C14orf93: variants seen among roughly 807,000 people sequenced by gnomAD.
The protein encoded by C14orf93 is uncharacterized protein C14orf93.
A neutral mutation model predicts 44.0 loss-of-function variants in C14orf93; 23 were observed. That is an observed-to-expected ratio of 0.52 (90% CI 0.38 to 0.74). The LOEUF is 0.74. C14orf93 is among the 30% of genes least tolerant of loss of function. The pLI, the probability that C14orf93 is intolerant of heterozygous loss-of-function variation, is 0.00. For synonymous variants in C14orf93, 253 were observed against 265.7 expected, an observed-to-expected ratio of 0.95 and a Z score of 0.46; for missense variants, 579 against 678.9, an observed-to-expected ratio of 0.85 and a Z score of 1.64.
At position 22,998,760 on chromosome 14, in the gene C14orf93, C is replaced by T. The variant is rs1409648751; in HGVS notation, c.264G>A (p.Glu88=). 1.9e-6 allele frequency: 3 copies of T among 1,614,126 alleles called. No individual in the cohort carries two copies. The highest frequency in any genetic ancestry group is 1.3e-5 in the African/African-American group (1 of 74,942). The change falls in exon 2 of 7, where the codon GAG becomes GAA. Residue 88 remains glutamate, a synonymous_variant. Transcript: ENST00000299088. Reference sequence around the variant, plus strand: ...CTTCCTCCTGGAGACGTTTTAACAACTCATTGTTGGCCCTGGCAAGACCCA... The same window carrying T: ...CTTCCTCCTGGAGACGTTTTAACAATTCATTGTTGGCCCTGGCAAGACCCA... ...AALGLARANN[E]LLKRLQEEVG... is the part of the protein sequence containing the mutation.
chr14:23,007,900 C>G (rs952790258), intron 1 of C14orf93, among the ~76,000 whole-genome samples: 1 of 152,094 alleles, frequency 6.6e-6, no homozygotes, highest in African/African-American at 2.4e-5. Flanking sequence ...CGCCTGTAAT[C>G]CCAGCACTTT....
intron 5 of C14orf93, among the ~76,000 whole-genome samples, chr14:22,989,136 C>G (rs192457817): frequency 6.6e-6 from 1 of 152,176 alleles, no homozygotes; most frequent in Non-Finnish European, 1.5e-5. Context: ...TGCATGCCAC[C>G]CCACCCAGTT....
rs570580256 is a variant in C14orf93, at chr14:22,986,215, G to T, written c.*1000C>A. ...CTCTCAGAAGAAGCCTTTCCAGACT[G>T]CAAGAGTAGGTTAGCTACCCCTGCT... On this transcript the variant is annotated 3_prime_UTR_variant, in exon 7 of 7. Coordinates refer to ENST00000299088, the MANE Select transcript of C14orf93 (RefSeq NM_021944.4). The T allele has an allele frequency of 1.3e-5, 2 of 152,330 alleles. No individual in the cohort carries two copies. The highest frequency in any genetic ancestry group is 4.1e-4 in the South Asian group (2 of 4,828). The allele number at this position is 152,330 out of a possible 1,614,324, so 9.4% of individuals were successfully genotyped here.
intron 1 of C14orf93, chr14:23,005,474 TAAATAAAAAGA>T (rs1284983328): frequency 6.6e-6 from 1 of 152,026 alleles, no homozygotes; most frequent in Non-Finnish European, 1.5e-5. Flanking sequence ...AAAAAATAAA[TAAATAAAAAGA>T]GGAGACACCA....
chr14:23,001,213 G>T (rs2046275792), intron 1 of C14orf93, among the ~76,000 whole-genome samples: 1 of 152,166 alleles, frequency 6.6e-6, no homozygotes, highest in South Asian at 2.1e-4. Flanking sequence ...CAGGGAGTTT[G>T]CTCTTAAACA....
Position 22,998,638 on chromosome 14 carries a change from T to G in C14orf93, c.386A>C (p.Glu129Ala), listed in dbSNP as rs2046134486. ...SPPEEPGPLK[E>A]SPGEAFKALS... ...AGCCTTAAAGGCTTCCCCGGGACTT[T>G]CCTTGAGAGGCCCAGGCTCCTCAGG... The change falls in exon 2 of 7, where the codon GAA becomes GCA. Residue 129 changes from glutamate (E) to alanine (A), a missense_variant. Glu to Ala is a moderately radical substitution (Grantham distance 107). Transcript: ENST00000299088. 6.2e-7 allele frequency: 1 copy of G among 1,613,802 alleles called. No homozygotes were observed. The highest frequency in any genetic ancestry group is 8.5e-7 in the Non-Finnish European group (1 of 1,179,792).
At chr14:23,000,664 C>T (rs912814357) in intron 1 of C14orf93, among the ~76,000 whole-genome samples, 4 of 143,152 alleles carry the variant, frequency 2.8e-5, no homozygotes, top group Non-Finnish European at 4.5e-5. Context: ...TGCAGTGAGC[C>T]GAGATGGTGC....
intron 5 of C14orf93, among the ~76,000 whole-genome samples, chr14:22,988,254 C>T (rs1438134600): frequency 6.6e-6 from 1 of 152,106 alleles, no homozygotes; most frequent in Non-Finnish European, 1.5e-5. Context: ...CTGCCTCAGC[C>T]TCCCGAGTAG....
chr14:22,989,148 A>G (rs2045431656), intron 5 of C14orf93, among the ~76,000 whole-genome samples: 1 of 151,994 alleles, frequency 6.6e-6, no homozygotes, highest in Non-Finnish European at 1.5e-5. Flanking sequence ...CACCCAGTTA[A>G]TTTTTGTTAT....
chr14:22,987,140 T>C lies in C14orf93; in HGVS notation c.*75A>G. 4 of 1,432,604 alleles carry C rather than the reference T, an allele frequency of 2.8e-6. No individual in the cohort carries two copies. Among genetic ancestry groups the C allele is most frequent in the Non-Finnish European group, 3.8e-6 (4 of 1,065,922 alleles). 88.7% of individuals were successfully genotyped at this position (1,432,604 alleles called of 1,614,324 possible). ...AGACTGCACAGAGCATCTCATTATT[T>C]TGTGAAGCCCCATGGCCACCTATTT... is the stretch of plus-strand genomic sequence containing the variant. On this transcript the variant is annotated 3_prime_UTR_variant, in exon 7 of 7. Transcript: ENST00000299088. The surrounding 1 kb of genome is among the most constrained non-coding windows in gnomAD (Gnocchi z 5.6).
At chr14:22,998,291 G>A in intron 2 of C14orf93, 136 bp downstream of exon 2, 1 of 1,235,758 alleles carries the variant, frequency 8.1e-7, no homozygotes. Context: ...TGAAGGAAAA[G>A]GAAACGTGGT....
intron 3 of C14orf93, 152 bp from the exon 4 acceptor site, chr14:22,990,279 G>T: frequency 1.6e-6 from 1 of 642,564 alleles, no homozygotes; most frequent in Non-Finnish European, 2.7e-6. Context: ...TATTTCTAGT[G>T]TGGTCTTCCC....
At chr14:22,992,418 A>G (rs2045699004) in intron 3 of C14orf93, among the ~76,000 whole-genome samples, 1 of 148,480 alleles carries the variant, frequency 6.7e-6, no homozygotes, top group Non-Finnish European at 1.5e-5. Flanking sequence ...GTGAGCTGAG[A>G]TCGTGCCACT....
In C14orf93 at chr14:22,990,135, G is replaced by GA; in HGVS notation, c.919-9dup. ...CACATTGTGGACCAGTTTCTAGGAG[G>GA]AAAAAAAGAAAACACAATCAAGCCA... is the stretch of plus-strand genomic sequence containing the variant. On this transcript the variant is annotated splice_polypyrimidine_tract_variant and intron_variant, in intron 3 of 6. Transcript: ENST00000299088. 1 of 1,607,860 alleles carries GA rather than the reference G, an allele frequency of 6.2e-7. No individual in the cohort carries two copies. The highest frequency in any genetic ancestry group is 1.3e-5 in the African/African-American group (1 of 74,660).
Position 22,986,565 on chromosome 14 carries a change from C to T in C14orf93, c.*650G>A, listed in dbSNP as rs2045236191. 1 of 152,646 alleles carries T rather than the reference C, an allele frequency of 6.6e-6. No homozygotes were observed. Among genetic ancestry groups the T allele is most frequent in the Non-Finnish European group, 1.5e-5 (1 of 68,360 alleles). 9.5% of individuals were successfully genotyped at this position (152,646 alleles called of 1,614,324 possible). A position where few individuals can be genotyped will look rare whatever the true frequency, so the allele number is the denominator to read the frequency against. ...GCTTGGTCACATAGTGAGAGAGAGG[C>T]TGCCGGTGAGACACGGGAACTCTTT... On this transcript the variant is annotated 3_prime_UTR_variant, in exon 7 of 7. Coordinates refer to ENST00000299088, the MANE Select transcript of C14orf93 (RefSeq NM_021944.4).
rs978551099 is a variant in C14orf93 at position 22,986,274 on chromosome 14, G to C, written c.*941C>G. On this transcript the variant is annotated 3_prime_UTR_variant, in exon 7 of 7. Transcript: ENST00000299088. ...CCATAGTGCACTACACTCCACCATG[G>C]TCACCCTTATCACAGTTCATTTCAT... The C allele has an allele frequency of 1.3e-5, 2 of 152,084 alleles. No individual in the cohort carries two copies. Among genetic ancestry groups the C allele is most frequent in the Admixed American group, 6.6e-5 (1 of 15,242 alleles). The allele number at this position is 152,084 out of a possible 1,614,324, so 9.4% of individuals were successfully genotyped here.
rs1860996410 is a variant in C14orf93, at chr14:22,996,802, TG to T, written c.598-535del. Among the ~76,000 whole-genome samples, 3 of 152,180 alleles carry T rather than the reference TG, an allele frequency of 2.0e-5. No homozygotes were observed. The highest frequency in any genetic ancestry group is 7.2e-5 in the African/African-American group (3 of 41,452). On this transcript the variant is annotated intron_variant, in intron 2 of 6. Transcript: ENST00000299088. This position sits in a 1 kb window ranked among gnomAD's most constrained non-coding sequence, Gnocchi z 4.1. ...TCAGTCCATGCCCTCACCTTGATCC[TG>T]CCCCGGCCACATTCGACTGTCATAG...
At chr14:22,990,975 C>G (rs1375220892) in intron 3 of C14orf93, among the ~76,000 whole-genome samples, 1 of 149,932 alleles carries the variant, frequency 6.7e-6, no homozygotes, top group African/African-American at 2.5e-5. Flanking sequence ...CCTGCCACCA[C>G]GTCCGGCTAA....
At chr14:23,005,788 A>C (rs563212410) in intron 1 of C14orf93, 29 of 152,338 alleles carry the variant, frequency 1.9e-4, no homozygotes, top group African/African-American at 6.7e-4. Flanking sequence ...TTAGATAAAA[A>C]AGAAAGACAA....
Sources: allele counts gnomAD v4.1 joint callset (sites outside exome capture counted in the v4.1 genomes callset), GRCh38; gene constraint gnomAD v4.1.1; non-coding constraint Gnocchi (gnomAD v3.1); transcripts MANE v1.5; gene names NCBI Gene and HGNC (gene_info 2026-07-23, HGNC 2026-07-21).